The following BCL9 variants were observed in gnomAD, a reference collection of about 807,000 sequenced individuals.
BCL9 encodes the protein B-cell CLL/lymphoma 9 protein.
In BCL9, 25 loss-of-function variants were observed where a neutral mutation model predicts 88.5. The ratio of observed to expected loss-of-function variants is 0.28; its 90% confidence interval spans 0.21 to 0.39. The LOEUF is 0.39. Ranked by LOEUF, BCL9 falls within the 10% of genes least tolerant of loss-of-function variation. The pLI, the probability that BCL9 is intolerant of heterozygous loss-of-function variation, is 1.00. For missense variants in BCL9, 1,817 were observed against 1,877.8 expected (o/e 0.97, Z 0.60); for synonymous variants, 711 against 673.3 (o/e 1.06, Z -0.87).
intron 1 of BCL9, among the ~76,000 whole-genome samples, chr1:147,584,379 T>C (rs1553198937): frequency 7.2e-6 from 1 of 138,358 alleles, no homozygotes; most frequent in East Asian, 2.1e-4. Context: ...CTTTCATCCC[T>C]CTGTAACTTT....
At position 147,587,756 on chromosome 1, in the gene BCL9, C is replaced by CTGTGTG. The variant is rs3045400; in HGVS notation, c.-477-16986_-477-16981dup. 1.2e-3 allele frequency among the ~76,000 whole-genome samples: 170 copies of CTGTGTG among 141,888 alleles called. 1 individual carries two copies. The highest frequency in any genetic ancestry group is 4.4e-3 in the East Asian group (21 of 4,774). 93.1% of individuals were successfully genotyped at this position (141,888 alleles called of 152,430 possible). A position where few individuals can be genotyped will look rare whatever the true frequency, so the allele number is the denominator to read the frequency against. ...GGGATTTCAGGCCTTGTAGTGAGGC[C>CTGTGTG]TGTGTGTGTGTGTGTGTGTGTGTGT... On this transcript the variant is annotated intron_variant, in intron 1 of 9. Transcript: ENST00000234739.
At chr1:147,587,822 T>G (rs1451505355) in intron 1 of BCL9, among the ~76,000 whole-genome samples, 1 of 150,478 alleles carries the variant, frequency 6.6e-6, no homozygotes, top group Admixed American at 6.6e-5. Context: ...TAGGGAAGAG[T>G]TCCTCCAGCC....
intron 1 of BCL9, among the ~76,000 whole-genome samples, chr1:147,549,771 G>A (rs1654801297): frequency 6.6e-6 from 1 of 152,184 alleles, no homozygotes; most frequent in African/African-American, 2.4e-5. Context: ...TAGGTGCTGA[G>A]GCAGCTCTGG....
chr1:147,610,548 T>C (rs1657944058), intron 3 of BCL9, among the ~76,000 whole-genome samples: 1 of 152,212 alleles, frequency 6.6e-6, no homozygotes, highest in East Asian at 1.9e-4. Flanking sequence ...ACCTGAGCTG[T>C]TTCTAACTCC....
At chr1:147,616,115 G>A (rs1458599736) in intron 7 of BCL9, among the ~76,000 whole-genome samples, 1 of 152,154 alleles carries the variant, frequency 6.6e-6, no homozygotes, top group Non-Finnish European at 1.5e-5. Flanking sequence ...AATTACTAGG[G>A]GGAAGAAGAT....
At position 147,619,181 on chromosome 1, in the gene BCL9, C is replaced by G. The variant is rs782212622; in HGVS notation, c.1026C>G (p.Pro342=). 3 of 1,613,582 alleles carry G rather than the reference C, an allele frequency of 1.9e-6. No homozygotes were observed. The highest frequency in any genetic ancestry group is 1.7e-5 in the Admixed American group (1 of 59,982). ...CACCAGTGTCCAGTGGCGAGCCCCC[C>G]ACACTGGGAGAGAATCCCGATGGCC... ...PPPPVSSGEP[P]TLGENPDGLS... The change falls in exon 8 of 10, where the codon CCC becomes CCG. Residue 342 remains proline (P), a synonymous_variant. Transcript: ENST00000234739. The surrounding 1 kb of genome is among the most constrained non-coding windows in gnomAD (Gnocchi z 4.1).
chr1:147,595,823 G>A (rs1657023129), intron 1 of BCL9, among the ~76,000 whole-genome samples: 2 of 152,342 alleles, frequency 1.3e-5, no homozygotes, highest in East Asian at 1.9e-4. Flanking sequence ...TGTGGAACAC[G>A]TAGATTGTCC....
chr1:147,571,759 C>T (rs1197298698), intron 1 of BCL9, among the ~76,000 whole-genome samples: 2 of 152,180 alleles, frequency 1.3e-5, no homozygotes, highest in African/African-American at 2.4e-5. Flanking sequence ...GGGTTGCCTC[C>T]TGCAGAGATA....
chr1:147,604,454 T>A (rs1657550389), intron 1 of BCL9, among the ~76,000 whole-genome samples: 1 of 152,202 alleles, frequency 6.6e-6, no homozygotes, highest in Admixed American at 6.5e-5. Context: ...GTGATGACTG[T>A]TTTTGATGGT....
chr1:147,546,151 A>G (rs1023976737), intron 1 of BCL9, among the ~76,000 whole-genome samples: 10 of 152,002 alleles, frequency 6.6e-5, no homozygotes, highest in African/African-American at 2.4e-4. Context: ...CCTGGCTAAA[A>G]CGGTGAAACC....
At chr1:147,584,864 G>T (rs1656530383) in intron 1 of BCL9, among the ~76,000 whole-genome samples, 1 of 152,220 alleles carries the variant, frequency 6.6e-6, no homozygotes, top group Non-Finnish European at 1.5e-5. Flanking sequence ...GGTGAACCAT[G>T]AACCGTGGTT....
intron 7 of BCL9, among the ~76,000 whole-genome samples, chr1:147,616,244 G>A (rs1279755528): frequency 2.0e-5 from 3 of 152,124 alleles, no homozygotes; most frequent in African/African-American, 7.2e-5. Flanking sequence ...ACACTCTTGA[G>A]CTAGTTGAAT....
intron 1 of BCL9, among the ~76,000 whole-genome samples, chr1:147,553,884 A>G (rs951196877): frequency 6.6e-6 from 1 of 152,192 alleles, no homozygotes; most frequent in African/African-American, 2.4e-5. Context: ...TTCAATATCT[A>G]TGATTCTTTG....
chr1:147,567,563 C>T (rs1056283261), intron 1 of BCL9, among the ~76,000 whole-genome samples: 3 of 152,088 alleles, frequency 2.0e-5, no homozygotes, highest in Non-Finnish European at 4.4e-5. Context: ...AAATATTTCA[C>T]TTATGAAAAA....
chr1:147,557,709 T>C (rs1230437292), intron 1 of BCL9, among the ~76,000 whole-genome samples: 1 of 152,208 alleles, frequency 6.6e-6, no homozygotes, highest in Non-Finnish European at 1.5e-5. Flanking sequence ...TATACATGTA[T>C]ATTTTATATA....
Position 147,611,761 on chromosome 1 carries a change from A to G in BCL9, c.-76A>G. ...GTGGGCCAGTGCCACTGCCCCCAGC[A>G]GCTGTTTCTGCTGCAACCCGAGAGG... On this transcript the variant is annotated 5_prime_UTR_variant, in exon 4 of 10. Transcript: ENST00000234739. The G allele has an allele frequency of 6.9e-7, 1 of 1,454,552 alleles. No homozygotes were observed. The highest frequency in any genetic ancestry group is 2.3e-5 in the East Asian group (1 of 44,142). The allele number at this position is 1,454,552 out of a possible 1,614,324, so 90.1% of individuals were successfully genotyped here.
intron 1 of BCL9, among the ~76,000 whole-genome samples, chr1:147,542,282 G>T (rs1171790631): frequency 2.0e-5 from 3 of 152,198 alleles, no homozygotes; most frequent in Admixed American, 2.0e-4. Flanking sequence ...CAAGAAGGGA[G>T]AGCAAGAGAA....
At chr1:147,600,199 C>CGCCGCT (rs1557845907) in intron 1 of BCL9, 1 of 161,188 alleles carries the variant, frequency 6.2e-6, no homozygotes, top group Non-Finnish European at 1.3e-5. Flanking sequence ...GCGCCGCCGC[C>CGCCGCT]GCCGCTGCCG....
At chr1:147,558,821 T>G (rs587646783) in intron 1 of BCL9, among the ~76,000 whole-genome samples, 1 of 152,334 alleles carries the variant, frequency 6.6e-6, no homozygotes, top group East Asian at 1.9e-4. Flanking sequence ...CAAAATTGAT[T>G]GCGTGGCTCC....
Sources: gnomAD v4.1 joint callset for allele counts (sites outside exome capture counted in the v4.1 genomes callset) on GRCh38, gnomAD v4.1.1 for gene constraint, Gnocchi (gnomAD v3.1) non-coding constraint, MANE v1.5 for transcripts, NCBI Gene and HGNC (gene_info 2026-07-23, HGNC 2026-07-21) for gene names.